Variants in LRIT1 observed in about 807,000 individuals in gnomAD.
LRIT1 encodes leucine rich repeat, Ig-like and transmembrane domains 1.
LRIT1 carries 23 observed loss-of-function variants against 24.0 expected under a neutral mutation model. The ratio of observed to expected loss-of-function variants is 0.96; its 90% CI spans 0.69 to 1.36. The LOEUF (loss-of-function observed/expected upper bound fraction) is 1.36. LRIT1 is among the 40% of genes most tolerant of loss of function. LRIT1 has a pLI of 0.00. For missense variants in LRIT1, 846 were observed against 806.3 expected (o/e 1.05, Z -0.60); for synonymous variants, 361 against 340.5 (o/e 1.06, Z -0.66).
In LRIT1 at chr10:84,237,533, GTA is replaced by G; in HGVS notation, c.274_275del (p.Tyr92GlnfsTer57). 6.2e-7 allele frequency: 1 copy of G among 1,605,356 alleles called. No individual in the cohort carries two copies. Among genetic ancestry groups the G allele is most frequent in the South Asian group, 1.1e-5 (1 of 91,020 alleles). On this transcript the variant is annotated frameshift_variant, in exon 2 of 4. Coordinates refer to ENST00000372105, the MANE Select transcript of LRIT1 (RefSeq NM_015613.3). LOFTEE classifies it high-confidence loss of function. ...LGRLEQLWLP[Y>X]NALSELNALM... The stretch of plus-strand genomic sequence containing the variant: ...GGGCGTTGAGCTCGCTGAGGGCGTT[GTA>G]AGGCAGCCACAGCTGCTCCAGGCGG...
At chr10:84,233,350 T>A (rs1435114824) in intron 3 of LRIT1, among the ~76,000 whole-genome samples, 1 of 151,782 alleles carries the variant, frequency 6.6e-6, no homozygotes, top group Non-Finnish European at 1.5e-5. Flanking sequence ...ATATATATTT[T>A]TTTTTGCGAC....
intron 1 of LRIT1, 147 bp from the exon 2 acceptor site, chr10:84,237,833 G>C (rs116292704): frequency 3.2e-6 from 2 of 633,314 alleles, no homozygotes; most frequent in African/African-American, 1.8e-5. Flanking sequence ...GACCTGGAGA[G>C]GGGCCCGGAG....
chr10:84,233,962 C>T (rs1485027546), intron 3 of LRIT1, 111 bp downstream of exon 3: 3 of 1,052,222 alleles, frequency 2.9e-6, no homozygotes, highest in Non-Finnish European at 3.9e-6. Flanking sequence ...CAGGTGGAAG[C>T]CCAGCTTTGC....
intron 1 of LRIT1, 140 bp from the exon 2 acceptor site, chr10:84,237,826 C>CCCGTCA: frequency 1.5e-6 from 1 of 665,012 alleles, no homozygotes; most frequent in Non-Finnish European, 2.5e-6. Context: ...TGACGGGGAC[C>CCCGTCA]TGGAGAGGGG....
At chr10:84,240,246 T>A (rs2132869029) in intron 1 of LRIT1, among the ~76,000 whole-genome samples, 1 of 152,242 alleles carries the variant, frequency 6.6e-6, no homozygotes, top group East Asian at 1.9e-4. Flanking sequence ...AACAGCAGGC[T>A]GTTCAGGGCT....
At chr10:84,241,233 G>T in intron 1 of LRIT1, 85 bp downstream of exon 1, 2 of 1,590,662 alleles carry the variant, frequency 1.3e-6, no homozygotes, top group Non-Finnish European at 1.7e-6. Context: ...CTCACCCAGG[G>T]CCCCAGCTCC....
intron 2 of LRIT1, among the ~76,000 whole-genome samples, chr10:84,234,923 C>G (rs1842635888): frequency 6.6e-6 from 1 of 152,134 alleles, no homozygotes; most frequent in Non-Finnish European, 1.5e-5. Context: ...GGCTATATCC[C>G]CTACTGTCTT....
chr10:84,241,536 G>T lies in LRIT1; in HGVS notation c.-97C>A. On this transcript the variant is annotated 5_prime_UTR_variant, in exon 1 of 4. In the 5' UTR this introduces an upstream ATG that the reference lacks. Coordinates refer to ENST00000372105, the MANE Select transcript of LRIT1 (RefSeq NM_015613.3). ...TCAGCAGCTGCCCACTTGCTCGCCA[G>T]CCCCTTACACCCCCTCCTGAGGCCA... 1 of 1,286,362 alleles carries T rather than the reference G, an allele frequency of 7.8e-7. No individual in the cohort carries two copies. The highest frequency in any genetic ancestry group is 1.0e-6 in the Non-Finnish European group (1 of 967,080). The allele number at this position is 1,286,362 out of a possible 1,614,324, so 79.7% of individuals were successfully genotyped here.
At chr10:84,241,215 A>G in intron 1 of LRIT1, 103 bp downstream of exon 1, 1 of 1,549,098 alleles carries the variant, frequency 6.5e-7, no homozygotes, top group Non-Finnish European at 8.8e-7. Context: ...GCCAAGGGAG[A>G]TGAAGACCTC....
At chr10:84,237,776 T>C in intron 1 of LRIT1, 90 bp from the exon 2 acceptor site, 1 of 1,024,042 alleles carries the variant, frequency 9.8e-7, no homozygotes, top group South Asian at 1.6e-5. Context: ...CCTCCAGTTC[T>C]GCCTGTTATC....
At chr10:84,234,505 C>T (rs185813631) in intron 2 of LRIT1, 127 bp from the exon 3 acceptor site, 5 of 622,956 alleles carry the variant, frequency 8.0e-6, no homozygotes, top group Non-Finnish European at 1.3e-5. Context: ...CCTCTGGACC[C>T]AGCTCCTTGC....
chr10:84,236,979 G>C (rs911002104), intron 2 of LRIT1, among the ~76,000 whole-genome samples: 6 of 152,124 alleles, frequency 3.9e-5, no homozygotes, highest in African/African-American at 1.4e-4. Context: ...TCTGAGTTGG[G>C]AAATTGAGTC....
Position 84,237,441 on chromosome 10 carries a change from G to T in LRIT1, c.368C>A (p.Pro123His). 1 of 1,552,646 alleles carries T rather than the reference G, an allele frequency of 6.4e-7. No individual in the cohort carries two copies. The highest frequency in any genetic ancestry group is 8.7e-7 in the Non-Finnish European group (1 of 1,151,702). ...RLPGNRLAAFPWAALRDAPKL... is the reference protein window; with the variant it reads ...RLPGNRLAAFHWAALRDAPKL... The stretch of plus-strand genomic sequence containing the variant: ...GGGGGCGTCCCTGAGCGCCGCCCAG[G>T]GGAAGGCGGCCAGGCGGTTCCCGGG... The change falls in exon 2 of 4, where the codon CCC (proline) becomes CAC (histidine). Residue 123 changes from proline (P) to histidine (H), a missense_variant. Physicochemically the swap from Pro to His is moderately conservative, Grantham distance 77. Coordinates refer to ENST00000372105, the MANE Select transcript of LRIT1 (RefSeq NM_015613.3).
intron 1 of LRIT1, 44 bp from the exon 2 acceptor site, chr10:84,237,730 G>C (rs749633179): frequency 6.8e-7 from 1 of 1,466,132 alleles, no homozygotes; most frequent in Non-Finnish European, 9.3e-7. Flanking sequence ...ATCCTGCCGG[G>C]TCTGGGATCT....
At chr10:84,233,944 A>T in intron 3 of LRIT1, 129 bp downstream of exon 3, 1 of 791,652 alleles carries the variant, frequency 1.3e-6, no homozygotes, top group Non-Finnish European at 1.8e-6. Context: ...TGTCAAACTC[A>T]ACTCAGACAG....
intron 3 of LRIT1, 82 bp downstream of exon 3, chr10:84,233,991 G>A: frequency 7.6e-7 from 1 of 1,318,178 alleles, no homozygotes; most frequent in Non-Finnish European, 1.0e-6. Context: ...CTTCCCTCTG[G>A]CCCTGCCAAA....
In LRIT1 at chr10:84,232,078, A is replaced by G; in HGVS notation, c.1721T>C (p.Leu574Pro). 1.2e-6 allele frequency: 2 copies of G among 1,614,134 alleles called. No homozygotes were observed. The highest frequency in any genetic ancestry group is 2.2e-5 in the East Asian group (1 of 44,878). ...GTCCTCGCTGTAGCCCAGTCTCTCTAGGTTGACGTAGGTAACTGTGGCCTC... is the reference window on the plus strand; with the variant it reads ...GTCCTCGCTGTAGCCCAGTCTCTCTGGGTTGACGTAGGTAACTGTGGCCTC... ...STEATVTYVN[L>P]ERLGYSEDGL... The change falls in exon 4 of 4, where the codon CTA (leucine) becomes CCA (proline). Residue 574 changes from leucine (L) to proline (P), a missense_variant. Leu to Pro is a moderately conservative substitution (Grantham distance 98). Transcript: ENST00000372105.
chr10:84,238,425 C>T (rs59926338), intron 1 of LRIT1, among the ~76,000 whole-genome samples: 2,920 of 151,684 alleles, frequency 0.019, 96 homozygotes, highest in African/African-American at 0.067. Flanking sequence ...TATCGTTTAA[C>T]AAAAAATATA....
Position 84,232,843 on chromosome 10 carries a change from G to A in LRIT1, c.956C>T (p.Ser319Phe), listed in dbSNP as rs1842615368. ...GATGTAGTCTCCGGAGTCAAGGTGGGACACTGCAGGCAGGCCCAGCAGAGT... is the reference window on the plus strand; with the variant it reads ...GATGTAGTCTCCGGAGTCAAGGTGGAACACTGCAGGCAGGCCCAGCAGAGT... ...SWTLLGLPAV[S>F]HLDSGDYICQ... Residue 319 changes from serine (S) to phenylalanine (F), a missense_variant, in exon 4 of 4, where the codon TCC (serine) becomes TTC (phenylalanine). Transcript: ENST00000372105. 6.2e-7 allele frequency: 1 copy of A among 1,613,192 alleles called. No individual in the cohort carries two copies. Among genetic ancestry groups the A allele is most frequent in the Non-Finnish European group, 8.5e-7 (1 of 1,180,034 alleles).
Sources: gnomAD v4.1 joint callset for allele counts (sites outside exome capture counted in the v4.1 genomes callset) on GRCh38, gnomAD v4.1.1 for gene constraint, MANE v1.5 for transcripts, NCBI Gene and HGNC (gene_info 2026-07-23, HGNC 2026-07-21) for gene names.